CDC42EP5: variants seen among roughly 807,000 people sequenced by gnomAD.
CDC42EP5 encodes the protein CDC42 effector protein (Rho GTPase binding) 5.
For synonymous variants in CDC42EP5, 118 were observed against 123.3 expected, an observed-to-expected ratio of 0.96 and a Z score of 0.28; for missense variants, 269 against 238.0, an observed-to-expected ratio of 1.13 and a Z score of -0.86.
intron 2 of CDC42EP5, among the ~76,000 whole-genome samples, chr19:54,469,013 T>C (rs1007143951): frequency 6.6e-6 from 1 of 150,718 alleles, no homozygotes; most frequent in African/African-American, 2.4e-5. Flanking sequence ...CTTTTCTTTT[T>C]TGATGGAGTC....
chr19:54,465,124 G>A lies in CDC42EP5; in HGVS notation c.424C>T (p.Leu142=). The change falls in exon 3 of 3, where the codon CTG becomes TTG. Residue 142 remains leucine (L), a synonymous_variant. Coordinates refer to ENST00000301200, the MANE Select transcript of CDC42EP5 (RefSeq NM_145057.4). ...ARCRPNADLE[L]NDVIGL ...ACCTAGAGGCCGATGACGTCGTTCA[G>A]CTCGAGGTCCGCGTTGGGGCGGCAG... The A allele has an allele frequency of 7.2e-7, 1 of 1,387,936 alleles. No homozygotes were observed. Among genetic ancestry groups the A allele is most frequent in the Non-Finnish European group, 9.3e-7 (1 of 1,076,066 alleles). The allele number at this position is 1,387,936 out of a possible 1,614,324, so 86.0% of individuals were successfully genotyped here. A position where few individuals can be genotyped will look rare whatever the true frequency, so the allele number is the denominator to read the frequency against.
At position 54,465,567 on chromosome 19, in the gene CDC42EP5, G is replaced by T. The variant is rs372621515; in HGVS notation, c.1-20C>A. On this transcript the variant is annotated intron_variant, in intron 2 of 2. Transcript: ENST00000301200. ...GGGCATCTGCGAGGGGCACGGGAGG[G>T]TCAGCGCGGCCCCAGCCCGGGGCTC... 6.8e-7 allele frequency: 1 copy of T among 1,480,466 alleles called. No individual in the cohort carries two copies. Among genetic ancestry groups the T allele is most frequent in the African/African-American group, 1.5e-5 (1 of 68,410 alleles). The allele number at this position is 1,480,466 out of a possible 1,614,324, so 91.7% of individuals were successfully genotyped here.
At chr19:54,472,567 AC>A (rs1274767975) in intron 1 of CDC42EP5, among the ~76,000 whole-genome samples, 1 of 22,006 alleles carries the variant, frequency 4.5e-5, no homozygotes. Context: ...CCTCCCTCAG[AC>A]CCAGGAGTCC....
In CDC42EP5 at chr19:54,465,115, C is replaced by T. The variant is rs867067085; in HGVS notation, c.433G>A (p.Val145Ile). ...RPNADLELND[V>I]IGL The stretch of plus-strand genomic sequence containing the variant: ...AATGAGGGAACCTAGAGGCCGATGA[C>T]GTCGTTCAGCTCGAGGTCCGCGTTG... The change falls in exon 3 of 3, where the codon GTC (valine) becomes ATC (isoleucine). Residue 145 changes from valine to isoleucine, a missense_variant. Val to Ile is a conservative substitution (Grantham distance 29). Coordinates refer to ENST00000301200, the MANE Select transcript of CDC42EP5 (RefSeq NM_145057.4). 6 of 1,377,694 alleles carry T rather than the reference C, an allele frequency of 4.4e-6. No individual in the cohort carries two copies. The highest frequency in any genetic ancestry group is 2.9e-5 in the East Asian group (1 of 33,918). 85.3% of individuals were successfully genotyped at this position (1,377,694 alleles called of 1,614,324 possible).
At chr19:54,471,804 T>C (rs2084840247) in intron 1 of CDC42EP5, 119 bp from the exon 2 acceptor site, 1 of 165,158 alleles carries the variant, frequency 6.1e-6, no homozygotes. Flanking sequence ...TTCGCTTTCT[T>C]AATCCCACCC....
intron 2 of CDC42EP5, among the ~76,000 whole-genome samples, chr19:54,468,888 A>ATTCCTTCC (rs774378859): frequency 0.025 from 2,860 of 116,368 alleles, 98 homozygotes; most frequent in African/African-American, 0.048. Context: ...AGATACTCTG[A>ATTCCTTCC]TTCCTTCCTT....
chr19:54,470,068 G>T (rs540062773), intron 2 of CDC42EP5, among the ~76,000 whole-genome samples: 2 of 152,220 alleles, frequency 1.3e-5, no homozygotes, highest in South Asian at 4.1e-4. Context: ...AAAAACAGGG[G>T]TTGGAACTCT....
At position 54,465,477 on chromosome 19, in the gene CDC42EP5, G is replaced by C. The variant is rs895702369; in HGVS notation, c.71C>G (p.Ser24Cys). Residue 24 changes from serine to cysteine, a missense_variant, in exon 3 of 3, where the codon TCC (serine) becomes TGC (cysteine). Transcript: ENST00000301200. Reference protein sequence around the residue: ...KRPDRGALSISAPLGDFRHTL... With the variant: ...KRPDRGALSICAPLGDFRHTL... Reference sequence around the variant, plus strand: ...GTGCCGGAAGTCGCCGAGCGGCGCGGAGATGGACAGGGCGCCGCGATCAGG... The same window carrying C: ...GTGCCGGAAGTCGCCGAGCGGCGCGCAGATGGACAGGGCGCCGCGATCAGG... 5.2e-6 allele frequency: 8 copies of C among 1,531,642 alleles called. No homozygotes were observed. In the Admixed American group the frequency reaches 6.0e-5, roughly 12 times the overall value. 94.9% of individuals were successfully genotyped at this position (1,531,642 alleles called of 1,614,324 possible). A position where few individuals can be genotyped will look rare whatever the true frequency, so the allele number is the denominator to read the frequency against.
rs1449552946 is a variant in CDC42EP5, at chr19:54,465,678, C to CATGCTGGAGTTCA, written c.1-144_1-132dup. ...TTTGTTTTTGAGACGGAGTCTCGCC[C>CATGCTGGAGTTCA]ATGCTGGAGTTCAATGGCGCCATCC... On this transcript the variant is annotated intron_variant, in intron 2 of 2. Transcript: ENST00000301200. 6.4e-5 allele frequency: 73 copies of CATGCTGGAGTTCA among 1,148,250 alleles called. 1 individual carries two copies. In the African/African-American group the frequency reaches 1.1e-3, roughly 17 times the overall value. The allele number at this position is 1,148,250 out of a possible 1,614,324, so 71.1% of individuals were successfully genotyped here. A position where few individuals can be genotyped will look rare whatever the true frequency, so the allele number is the denominator to read the frequency against.
Position 54,465,076 on chromosome 19 carries a change from G to C in CDC42EP5, c.*25C>G, listed in dbSNP as rs748790618. The C allele has an allele frequency of 7.6e-7, 1 of 1,307,226 alleles. No individual in the cohort carries two copies. Among genetic ancestry groups the C allele is most frequent in the Non-Finnish European group, 9.7e-7 (1 of 1,026,552 alleles). 81.0% of individuals were successfully genotyped at this position (1,307,226 alleles called of 1,614,324 possible). A position where few individuals can be genotyped will look rare whatever the true frequency, so the allele number is the denominator to read the frequency against. ...GTATACAGAAGTGGGGTGCCGGGCGGGAAGGGCGCGGGGAATGAGGGAACC... is the reference window on the plus strand; with the variant it reads ...GTATACAGAAGTGGGGTGCCGGGCGCGAAGGGCGCGGGGAATGAGGGAACC... On this transcript the variant is annotated 3_prime_UTR_variant, in exon 3 of 3. Coordinates refer to ENST00000301200, the MANE Select transcript of CDC42EP5 (RefSeq NM_145057.4).
chr19:54,471,308 C>T (rs887184963), intron 2 of CDC42EP5, among the ~76,000 whole-genome samples: 2 of 152,136 alleles, frequency 1.3e-5, no homozygotes, highest in African/African-American at 4.8e-5. Flanking sequence ...TCTGTCCTCT[C>T]TCAGTCCCGG....
Position 54,465,366 on chromosome 19 carries a change from C to T in CDC42EP5, c.182G>A (p.Arg61Gln), listed in dbSNP as rs1028382389. 1.7e-6 allele frequency: 2 copies of T among 1,158,708 alleles called. No individual in the cohort carries two copies. Among genetic ancestry groups the T allele is most frequent in the Non-Finnish European group, 2.1e-6 (2 of 941,348 alleles). The allele number at this position is 1,158,708 out of a possible 1,614,324, so 71.8% of individuals were successfully genotyped here. A position where few individuals can be genotyped will look rare whatever the true frequency, so the allele number is the denominator to read the frequency against. ...GCGCGGGGCCCCCGCGGGGGGCGCC[C>T]GGGGCTCGGGGGGCGGCCCGCCGCC... ...RHGGGPPPEP[R>Q]APPAGAPRSP... The change falls in exon 3 of 3, where the codon CGG becomes CAG. Residue 61 changes from arginine to glutamine, a missense_variant. Transcript: ENST00000301200.
At chr19:54,472,883 G>T (rs1600059470) in intron 1 of CDC42EP5, among the ~76,000 whole-genome samples, 181 bp downstream of exon 1, 1 of 2,854 alleles carries the variant, frequency 3.5e-4, no homozygotes, top group Non-Finnish European at 6.7e-4. Context: ...CAGGCCCCCA[G>T]CCCCTCCTCC....
At chr19:54,469,696 C>T (rs942443738) in intron 2 of CDC42EP5, among the ~76,000 whole-genome samples, 4 of 152,204 alleles carry the variant, frequency 2.6e-5, no homozygotes, top group African/African-American at 9.7e-5. Flanking sequence ...GGAGTCACAC[C>T]TCGGATCATT....
chr19:54,469,175 T>G lies in CDC42EP5; in HGVS notation c.-1+2370A>C, dbSNP rs192075713. Among the ~76,000 whole-genome samples the G allele has an allele frequency of 4.0e-5, 6 of 150,774 alleles. No individual in the cohort carries two copies. The East Asian group carries it at 1.2e-3, about 30-fold the overall frequency. ...ATGCTTGGCTAATTTTTGTATTTTA[T>G]AGTAGAGATGGGGTTTCACCATGTT... On this transcript the variant is annotated intron_variant, in intron 2 of 2. Coordinates refer to ENST00000301200, the MANE Select transcript of CDC42EP5 (RefSeq NM_145057.4).
At position 54,465,271 on chromosome 19, in the gene CDC42EP5, G is replaced by C. The variant is rs555638947; in HGVS notation, c.277C>G (p.Leu93Val). 177 of 1,353,612 alleles carry C rather than the reference G, an allele frequency of 1.3e-4. No individual in the cohort carries two copies. Among genetic ancestry groups the C allele is most frequent in the Admixed American group, 2.3e-4 (7 of 29,918 alleles). The allele number at this position is 1,353,612 out of a possible 1,614,324, so 83.9% of individuals were successfully genotyped here. Residue 93 changes from leucine (L) to valine (V), a missense_variant, in exon 3 of 3, where the codon CTG becomes GTG. Leu to Val is a conservative substitution (Grantham distance 32). Transcript: ENST00000301200. ...TCCAGCATGGAGGGCCCCAGATCCA[G>C]GTGGAAGGACAGCAGCGGGTCGGCA... ...SPADPLLSFH[L>V]DLGPSMLDAV...
In CDC42EP5 at chr19:54,465,232, C is replaced by G. The variant is rs768906483; in HGVS notation, c.316G>C (p.Val106Leu). Residue 106 changes from valine (V) to leucine (L), a missense_variant, in exon 3 of 3, where the codon GTC (valine) becomes CTC (leucine). Physicochemically the swap from Val to Leu is conservative, Grantham distance 32. Transcript: ENST00000301200. ...GCCTCCGGGCGCGCCGCGTCCATGA[C>G]GCCCAGCACCGCGTCCAGCATGGAG... The part of the protein sequence containing the change: ...GPSMLDAVLG[V>L]MDAARPEAAA... 15 of 1,433,194 alleles carry G rather than the reference C, an allele frequency of 1.0e-5. No homozygotes were observed. The highest frequency in any genetic ancestry group is 9.1e-7 in the Non-Finnish European group (1 of 1,096,940). 88.8% of individuals were successfully genotyped at this position (1,433,194 alleles called of 1,614,324 possible). A position where few individuals can be genotyped will look rare whatever the true frequency, so the allele number is the denominator to read the frequency against.
chr19:54,470,713 G>T (rs576367313), intron 2 of CDC42EP5, among the ~76,000 whole-genome samples: 1 of 152,090 alleles, frequency 6.6e-6, no homozygotes, highest in African/African-American at 2.4e-5. Flanking sequence ...ACAGATGCGC[G>T]ATGGCTGAGA....
rs2084729119 is a variant in CDC42EP5, at chr19:54,465,171, C to G, written c.377G>C (p.Gly126Ala). 2 of 1,415,428 alleles carry G rather than the reference C, an allele frequency of 1.4e-6. No individual in the cohort carries two copies. Among genetic ancestry groups the G allele is most frequent in the African/African-American group, 3.0e-5 (2 of 66,588 alleles). 87.7% of individuals were successfully genotyped at this position (1,415,428 alleles called of 1,614,324 possible). A position where few individuals can be genotyped will look rare whatever the true frequency, so the allele number is the denominator to read the frequency against. The change falls in exon 3 of 3, where the codon GGG becomes GCG. Residue 126 changes from glycine to alanine, a missense_variant. Gly to Ala is a moderately conservative substitution (Grantham distance 60, BLOSUM62 0). Coordinates refer to ENST00000301200, the MANE Select transcript of CDC42EP5 (RefSeq NM_145057.4). ...GCAGCGGGCCTGGGGGGGCTGCGTC[C>G]CGGGGCGGGGTTCCGCGTCGGGCTT... is the stretch of plus-strand genomic sequence containing the variant. ...AAKPDAEPRP[G>A]TQPPQARCRP...
Sources: gnomAD v4.1 joint callset for allele counts (sites outside exome capture counted in the v4.1 genomes callset) on GRCh38, gnomAD v4.1.1 for gene constraint, MANE v1.5 for transcripts, NCBI Gene and HGNC (gene_info 2026-07-23, HGNC 2026-07-21) for gene names.